The following AFF3 variants were observed in gnomAD, a reference collection of about 807,000 sequenced individuals.
AFF3 encodes ALF transcription elongation factor 3.
Under a neutral mutation model 129.7 loss-of-function variants are expected in AFF3, and 32 were observed. The observed-to-expected ratio is 0.25, with a 90% confidence interval of 0.19 to 0.33. The LOEUF (loss-of-function observed/expected upper bound fraction) is 0.33. Among genes scored for constraint, AFF3 ranks in the 10% least tolerant of loss-of-function variants. The pLI is 1.00. For synonymous variants in AFF3, 644 were observed against 635.4 expected (o/e 1.01, Z -0.20); for missense variants, 1,373 against 1,592.0 (o/e 0.86, Z 2.34).
intron 7 of AFF3, among the ~76,000 whole-genome samples, chr2:99,908,510 A>G (rs1442919206): frequency 6.6e-6 from 1 of 152,228 alleles, no homozygotes; most frequent in African/African-American, 2.4e-5. Flanking sequence ...TCTGCACAGC[A>G]AAAGAAACCA....
intron 4 of AFF3, among the ~76,000 whole-genome samples, chr2:100,013,854 A>G (rs1354544784): frequency 3.9e-5 from 6 of 152,318 alleles, no homozygotes; most frequent in Non-Finnish European, 7.4e-5. Context: ...AGAGAAGTGA[A>G]TAAAAAAATA....
intron 1 of AFF3, among the ~76,000 whole-genome samples, chr2:100,141,873 C>G (rs1413303608): frequency 1.3e-5 from 2 of 152,118 alleles, no homozygotes; most frequent in Admixed American, 1.3e-4. Flanking sequence ...CACAGACACA[C>G]ACACACAAAT....
chr2:99,624,601 C>T (rs1682365375), intron 13 of AFF3, among the ~76,000 whole-genome samples: 1 of 152,208 alleles, frequency 6.6e-6, no homozygotes. Flanking sequence ...GGAGGTGAGG[C>T]CCTGGCCCGT....
chr2:99,928,173 A>G (rs1265149242), intron 7 of AFF3, among the ~76,000 whole-genome samples: 1 of 152,210 alleles, frequency 6.6e-6, no homozygotes, highest in African/African-American at 2.4e-5. Context: ...TTTTATCAGC[A>G]GCGTGAAAAC....
chr2:100,119,506 A>G (rs1381627943), intron 2 of AFF3, among the ~76,000 whole-genome samples: 1 of 152,236 alleles, frequency 6.6e-6, no homozygotes, highest in Non-Finnish European at 1.5e-5. Flanking sequence ...AAGTCAATAC[A>G]AGCAGCAAAC....
At chr2:99,903,730 T>C (rs552536131) in intron 7 of AFF3, among the ~76,000 whole-genome samples, 6 of 152,326 alleles carry the variant, frequency 3.9e-5, no homozygotes, top group Admixed American at 1.3e-4. Context: ...GTCTGGGGTA[T>C]CTTAATGTTA....
chr2:100,075,262 C>T (rs1256291592), intron 4 of AFF3, among the ~76,000 whole-genome samples: 1 of 152,080 alleles, frequency 6.6e-6, no homozygotes, highest in Non-Finnish European at 1.5e-5. Flanking sequence ...CTCCCCAATC[C>T]ACCTCTTCTA....
intron 7 of AFF3, among the ~76,000 whole-genome samples, chr2:99,956,472 T>G (rs926619521): frequency 6.6e-6 from 1 of 152,218 alleles, no homozygotes; most frequent in Non-Finnish European, 1.5e-5. Flanking sequence ...GAAGCATAAC[T>G]TAAGCATAAG....
At chr2:100,009,012 A>G (rs1440224217) in intron 4 of AFF3, 80 bp from the exon 5 acceptor site, 2 of 1,543,100 alleles carry the variant, frequency 1.3e-6, no homozygotes, top group Middle Eastern at 1.7e-4. Flanking sequence ...GTGTGAGTGC[A>G]GAAGTCTGGT....
chr2:99,633,716 G>C (rs1417850580), intron 13 of AFF3, among the ~76,000 whole-genome samples: 1 of 151,936 alleles, frequency 6.6e-6, no homozygotes. Flanking sequence ...TAGTCCATGA[G>C]GGTGGGTTCT....
chr2:99,642,078 T>C (rs887536407), intron 13 of AFF3, among the ~76,000 whole-genome samples: 6 of 152,098 alleles, frequency 3.9e-5, no homozygotes, highest in Admixed American at 2.0e-4. Flanking sequence ...AACATAAGTA[T>C]GAATAGTTGG....
At chr2:99,732,249 G>A (rs1679893184) in intron 10 of AFF3, among the ~76,000 whole-genome samples, 4 of 151,968 alleles carry the variant, frequency 2.6e-5, no homozygotes. Context: ...TAGCTACTCG[G>A]GAGGCTGAGG....
intron 7 of AFF3, among the ~76,000 whole-genome samples, chr2:99,977,504 AT>A (rs563164706): frequency 2.6e-5 from 4 of 152,142 alleles, no homozygotes; most frequent in African/African-American, 9.7e-5. Flanking sequence ...GTGAATGCCA[AT>A]TTTTTTTAAA....
intron 8 of AFF3, among the ~76,000 whole-genome samples, chr2:99,816,396 G>C (rs1259157023): frequency 6.6e-6 from 1 of 152,128 alleles, no homozygotes; most frequent in Non-Finnish European, 1.5e-5. Context: ...TTGCTGTTTT[G>C]TAAGTCTTGT....
chr2:99,744,358 C>T (rs1021762381), intron 9 of AFF3, among the ~76,000 whole-genome samples: 1 of 152,088 alleles, frequency 6.6e-6, no homozygotes, highest in Non-Finnish European at 1.5e-5. Context: ...GTATTAATGA[C>T]TTTCTGTTTT....
At chr2:99,571,643 T>A (rs1356382665) in intron 18 of AFF3, among the ~76,000 whole-genome samples, 4 of 152,306 alleles carry the variant, frequency 2.6e-5, no homozygotes, top group Non-Finnish European at 5.9e-5. Context: ...GGAGGCCACT[T>A]AACGAACACA....
intron 11 of AFF3, among the ~76,000 whole-genome samples, chr2:99,681,537 G>C (rs1674523936): frequency 1.3e-5 from 2 of 152,150 alleles, no homozygotes; most frequent in Non-Finnish European, 2.9e-5. Flanking sequence ...TTCAGAGATG[G>C]GGCCTTTGGG....
chr2:99,678,755 A>C (rs1252996883), intron 11 of AFF3, among the ~76,000 whole-genome samples: 1 of 152,212 alleles, frequency 6.6e-6, no homozygotes, highest in Non-Finnish European at 1.5e-5. Context: ...TATTCTAACA[A>C]TTAGCATTGC....
At chr2:100,086,274 G>A (rs1573383738) in intron 4 of AFF3, among the ~76,000 whole-genome samples, 2 of 152,336 alleles carry the variant, frequency 1.3e-5, no homozygotes, top group African/African-American at 4.8e-5. Context: ...TGTAATCCCA[G>A]CACTTTGGGA....
Sources: allele counts gnomAD v4.1 joint callset (sites outside exome capture counted in the v4.1 genomes callset), GRCh38; gene constraint gnomAD v4.1.1; transcripts MANE v1.5; gene names NCBI Gene and HGNC (gene_info 2026-07-23, HGNC 2026-07-21).